ENO4: variants seen among roughly 807,000 people sequenced by gnomAD.
ENO4 encodes 2-phospho-D-glycerate hydro-lyase.
In ENO4, 53 loss-of-function variants were observed where a neutral mutation model predicts 63.2. The observed-to-expected ratio is 0.84, with a 90% CI of 0.67 to 1.05. The LOEUF (loss-of-function observed/expected upper bound fraction) is 1.05. ENO4 is among the 50% of genes least tolerant of loss of function. ENO4 has a pLI of 0.00. For synonymous variants in ENO4, 266 were observed against 283.8 expected (o/e 0.94, Z 0.63); for missense variants, 719 against 772.0 (o/e 0.93, Z 0.81).
In ENO4 at chr10:116,861,242, T is replaced by A. The variant is rs1442149558; in HGVS notation, c.936+52T>A. ...TTTCTAAAAAAAAAAAAAAAATATA[T>A]ATATATATATATATACTCCGTCATT... On this transcript the variant is annotated intron_variant, in intron 6 of 13. Transcript: ENST00000341276. 461 of 386,826 alleles carry A rather than the reference T, an allele frequency of 1.2e-3. 2 individuals carry two copies. Among genetic ancestry groups the A allele is most frequent in the African/African-American group, 9.1e-3 (406 of 44,758 alleles). 24.0% of individuals were successfully genotyped at this position (386,826 alleles called of 1,614,324 possible). A position where few individuals can be genotyped will look rare whatever the true frequency, so the allele number is the denominator to read the frequency against.
intron 1 of ENO4, chr10:116,850,102 C>G (rs1435371776): frequency 8.4e-6 from 3 of 359,188 alleles, no homozygotes; most frequent in African/African-American, 6.4e-5. Flanking sequence ...TTAATGCCCT[C>G]AGCTCAGCTC....
At chr10:116,865,589 A>G (rs1327023610) in intron 7 of ENO4, among the ~76,000 whole-genome samples, 1 of 152,170 alleles carries the variant, frequency 6.6e-6, no homozygotes, top group Admixed American at 6.5e-5. Context: ...ATGAAGTGAA[A>G]TGTAGCAATC....
chr10:116,873,528 T>G (rs915287121), intron 9 of ENO4, among the ~76,000 whole-genome samples: 2 of 152,208 alleles, frequency 1.3e-5, no homozygotes, highest in Non-Finnish European at 2.9e-5. Flanking sequence ...ACAATATCGT[T>G]ACTACTAGAA....
intron 11 of ENO4, among the ~76,000 whole-genome samples, chr10:116,876,855 GCA>G (rs1331236592): frequency 1.3e-5 from 2 of 152,126 alleles, no homozygotes; most frequent in Admixed American, 1.3e-4. Context: ...GGAGGCTGAG[GCA>G]GGAGAATGGG....
chr10:116,856,988 C>CA (rs66621882), intron 3 of ENO4, among the ~76,000 whole-genome samples: 1,800 of 120,102 alleles, frequency 0.015, 16 homozygotes, highest in East Asian at 0.043. Flanking sequence ...GACTCTGTAT[C>CA]AAAAAAAAAA....
intron 11 of ENO4, among the ~76,000 whole-genome samples, chr10:116,878,742 CTT>C (rs10635577): frequency 1.3e-4 from 15 of 114,340 alleles, no homozygotes; most frequent in African/African-American, 3.2e-4. Flanking sequence ...AATCATATAT[CTT>C]TTTTTTTTTT....
At chr10:116,886,215 CCAGAA>C, downstream of ENO4, 1 of 1,299,490 alleles carries the variant, frequency 7.7e-7, no homozygotes, top group Non-Finnish European at 1.0e-6. Flanking sequence ...AAAAGTGACA[CCAGAA>C]AAGAACCTGT....
At chr10:116,864,961 G>A (rs997116918) in intron 7 of ENO4, among the ~76,000 whole-genome samples, 6 of 151,544 alleles carry the variant, frequency 4.0e-5, no homozygotes, top group African/African-American at 1.2e-4. Flanking sequence ...CAGAGGTTGC[G>A]GTGAGCCAAG....
At position 116,859,128 on chromosome 10, in the gene ENO4, G is replaced by A. The variant is rs1484278290; in HGVS notation, c.624G>A (p.Gly208=). Residue 208 remains glycine (G), a synonymous_variant, in exon 4 of 14, where the codon GGG becomes GGA. Transcript: ENST00000341276. ...CTCCACCTCCTACCAAAAAAAAGGG[G>A]CAAAAGCCAGGTTGGTTGGTGACTT... is the stretch of plus-strand genomic sequence containing the variant. The part of the protein sequence containing the change: ...PPPPPPTKKK[G]QKPGRKDTIT... 3 of 1,529,792 alleles carry A rather than the reference G, an allele frequency of 2.0e-6. No homozygotes were observed. Among genetic ancestry groups the A allele is most frequent in the East Asian group, 2.4e-5 (1 of 40,830 alleles). The allele number at this position is 1,529,792 out of a possible 1,614,324, so 94.8% of individuals were successfully genotyped here.
At chr10:116,888,376 T>G (rs1847227649) in intron 10 of ENO4, among the ~76,000 whole-genome samples, 1 of 152,204 alleles carries the variant, frequency 6.6e-6, no homozygotes, top group South Asian at 2.1e-4. Flanking sequence ...ATGAGTAATA[T>G]TAAGGATTGA....
chr10:116,868,649 G>A lies in ENO4; in HGVS notation c.991-1G>A. 6.5e-7 allele frequency: 1 copy of A among 1,550,364 alleles called. No individual in the cohort carries two copies. Among genetic ancestry groups the A allele is most frequent in the Non-Finnish European group, 8.7e-7 (1 of 1,146,914 alleles). ...ATACATTTTTATCTTCTGCCCCACA[G>A]CCCTCTCCTCCAAAAGCAGAGACAA... On this transcript the variant is annotated splice_acceptor_variant, in intron 7 of 13. Transcript: ENST00000341276. LOFTEE classifies it high-confidence loss of function.
chr10:116,893,557 C>T (rs1400673927), intron 10 of ENO4, among the ~76,000 whole-genome samples: 1 of 145,036 alleles, frequency 6.9e-6, no homozygotes, highest in East Asian at 2.0e-4. Context: ...CCCTCCCCCT[C>T]CCTGATAGGC....
intron 11 of ENO4, among the ~76,000 whole-genome samples, chr10:116,877,113 G>T (rs773322253): frequency 2.6e-5 from 4 of 152,090 alleles, no homozygotes; most frequent in Non-Finnish European, 5.9e-5. Flanking sequence ...TTCAAGCTAA[G>T]AAAAATATCT....
intron 1 of ENO4, among the ~76,000 whole-genome samples, chr10:116,855,093 G>C (rs1251437097): frequency 1.3e-5 from 2 of 151,986 alleles, no homozygotes; most frequent in African/African-American, 4.8e-5. Context: ...AAGAGATTGA[G>C]ACTATCCTGG....
At position 116,878,782 on chromosome 10, in the gene ENO4, G is replaced by C. The variant is rs567826952; in HGVS notation, c.1538-509G>C. ...TTTTGAGACGGAGTCTTGCTCTGTC[G>C]CCCAGAGCTGGAGTGCAGTGGCGCG... On this transcript the variant is annotated intron_variant, in intron 11 of 13. Transcript: ENST00000341276. Among the ~76,000 whole-genome samples, 6 of 120,384 alleles carry C rather than the reference G, an allele frequency of 5.0e-5. No homozygotes were observed. The East Asian group carries it at 7.3e-4, about 15-fold the overall frequency. 79.0% of individuals were successfully genotyped at this position (120,384 alleles called of 152,430 possible). A position where few individuals can be genotyped will look rare whatever the true frequency, so the allele number is the denominator to read the frequency against.
At chr10:116,863,356 TCACACACACACACACA>T (rs10646641) in intron 7 of ENO4, among the ~76,000 whole-genome samples, 1 of 147,298 alleles carries the variant, frequency 6.8e-6, no homozygotes, top group Non-Finnish European at 1.5e-5. Flanking sequence ...CTGTGGGGCT[TCACACACACACACACA>T]CACACACACA....
Position 116,876,210 on chromosome 10 carries a change from C to A in ENO4, c.1487C>A (p.Thr496Lys), listed in dbSNP as rs1261172467. 14 of 1,549,926 alleles carry A rather than the reference C, an allele frequency of 9.0e-6. No individual in the cohort carries two copies. Among genetic ancestry groups the A allele is most frequent in the Non-Finnish European group, 1.2e-5 (14 of 1,146,758 alleles). The change falls in exon 11 of 14, where the codon ACA becomes AAA. Residue 496 changes from threonine to lysine, a missense_variant. Around this residue, in one of 3 missense-constraint regions of ENO4, gnomAD observed 168 missense variants for 163.3 expected, o/e 1.03. Coordinates refer to ENST00000341276, the MANE Select transcript of ENO4 (RefSeq NM_001242699.2). ...TCCAATGGGCTGATCATAAAACACA[C>A]AAACCAAACTACAATGTCTGACTTG... ...PKSNGLIIKHTNQTTMSDLVE... is the reference protein window; with the variant it reads ...PKSNGLIIKHKNQTTMSDLVE...
chr10:116,894,401 A>G (rs546623023), intron 10 of ENO4, among the ~76,000 whole-genome samples: 7 of 152,304 alleles, frequency 4.6e-5, no homozygotes, highest in South Asian at 2.1e-4. Flanking sequence ...GACTCCCCCA[A>G]ACGAAAAAGC....
intron 10 of ENO4, chr10:116,900,373 C>CT: frequency 1.6e-6 from 1 of 636,956 alleles, no homozygotes; most frequent in South Asian, 2.0e-5. Flanking sequence ...ACAACTGTGT[C>CT]TGTCAACACA....
Sources: gnomAD v4.1 joint callset for allele counts (sites outside exome capture counted in the v4.1 genomes callset) on GRCh38, gnomAD v4.1.1 for gene constraint, gnomAD v4.1.1 regional missense constraint, MANE v1.5 for transcripts, NCBI Gene and HGNC (gene_info 2026-07-23, HGNC 2026-07-21) for gene names.